Variants in MAGI2 observed in about 807,000 individuals in gnomAD.
MAGI2 encodes membrane associated guanylate kinase, WW and PDZ domain containing 2.
Under a neutral mutation model 133.3 loss-of-function variants are expected in MAGI2, and 35 were observed. The observed-to-expected ratio is 0.26, with a 90% CI of 0.20 to 0.35. The LOEUF is 0.35. MAGI2 is among the 10% of genes least tolerant of loss of function. MAGI2 has a pLI of 1.00. For synonymous variants in MAGI2, 729 were observed against 710.6 expected (o/e 1.03, Z -0.41); for missense variants, 1,636 against 1,863.4 (o/e 0.88, Z 2.25).
chr7:78,309,383 T>A (rs1798503987), intron 9 of MAGI2, among the ~76,000 whole-genome samples: 1 of 152,222 alleles, frequency 6.6e-6, no homozygotes, highest in South Asian at 2.1e-4. Context: ...TAATTTCCTT[T>A]GCAGCAACAT....
chr7:79,320,230 A>AAC (rs144733027), intron 1 of MAGI2, among the ~76,000 whole-genome samples: 4 of 152,116 alleles, frequency 2.6e-5, no homozygotes, highest in South Asian at 2.1e-4. Context: ...ATATACAAAT[A>AAC]ACACACACAC....
chr7:78,576,855 T>A (rs1490149551), intron 3 of MAGI2, among the ~76,000 whole-genome samples: 1 of 152,138 alleles, frequency 6.6e-6, no homozygotes, highest in Non-Finnish European at 1.5e-5. Flanking sequence ...TCCTAGCACT[T>A]TGGGAGTCTG....
At chr7:78,748,511 G>A (rs1162915731) in intron 2 of MAGI2, among the ~76,000 whole-genome samples, 4 of 152,192 alleles carry the variant, frequency 2.6e-5, no homozygotes, top group Non-Finnish European at 5.9e-5. Context: ...ATGAAAAAGT[G>A]TAAAACCCAA....
At chr7:79,383,388 T>C (rs1461827385) in intron 1 of MAGI2, among the ~76,000 whole-genome samples, 1 of 151,600 alleles carries the variant, frequency 6.6e-6, no homozygotes, top group Non-Finnish European at 1.5e-5. Context: ...AAGGAAAGTT[T>C]AGGAAGGGTT....
At chr7:78,323,369 A>G (rs1159162461) in intron 9 of MAGI2, among the ~76,000 whole-genome samples, 1 of 152,206 alleles carries the variant, frequency 6.6e-6, no homozygotes. Context: ...TAAAAAAGAT[A>G]TGGTATGTTT....
chr7:79,339,253 A>G (rs926789797), intron 1 of MAGI2, among the ~76,000 whole-genome samples: 1 of 152,138 alleles, frequency 6.6e-6, no homozygotes, highest in African/African-American at 2.4e-5. Context: ...TTAGCTATTT[A>G]GTAACAGTGT....
At chr7:78,505,393 C>T (rs1794995041) in intron 4 of MAGI2, among the ~76,000 whole-genome samples, 1 of 152,054 alleles carries the variant, frequency 6.6e-6, no homozygotes, top group South Asian at 2.1e-4. Context: ...AGTCTCCTAG[C>T]TGATTCCTTA....
intron 2 of MAGI2, among the ~76,000 whole-genome samples, chr7:78,887,436 G>C (rs1031778344): frequency 3.9e-5 from 6 of 152,214 alleles, no homozygotes; most frequent in Non-Finnish European, 8.8e-5. Context: ...GCAGTAATCA[G>C]CGTTTTAACA....
intron 8 of MAGI2, among the ~76,000 whole-genome samples, chr7:78,344,733 T>C (rs1790727765): frequency 6.6e-6 from 1 of 152,214 alleles, no homozygotes; most frequent in African/African-American, 2.4e-5. Context: ...TTTGTCACAA[T>C]ATGTTGATAG....
intron 1 of MAGI2, among the ~76,000 whole-genome samples, chr7:79,396,903 C>T (rs968346939): frequency 6.6e-6 from 1 of 151,840 alleles, no homozygotes; most frequent in Non-Finnish European, 1.5e-5. Flanking sequence ...AACACCTTGA[C>T]GGTTAGTAGC....
intron 6 of MAGI2, among the ~76,000 whole-genome samples, chr7:78,463,227 T>C (rs1319793440): frequency 6.6e-6 from 1 of 152,198 alleles, no homozygotes; most frequent in Non-Finnish European, 1.5e-5. Flanking sequence ...TACATGAGGC[T>C]GTACCACGAA....
At chr7:78,650,041 C>T (rs1584962760) in intron 2 of MAGI2, among the ~76,000 whole-genome samples, 1 of 152,108 alleles carries the variant, frequency 6.6e-6, no homozygotes, top group Non-Finnish European at 1.5e-5. Context: ...ACTGATGTTG[C>T]TGATCTACAG....
At chr7:79,361,156 A>G (rs1044300128) in intron 1 of MAGI2, among the ~76,000 whole-genome samples, 3 of 152,222 alleles carry the variant, frequency 2.0e-5, no homozygotes, top group African/African-American at 4.8e-5. Flanking sequence ...CTTTTCTACT[A>G]GGAAGACTTA....
At chr7:78,066,780 AGGGTGAGATAAGG>A (rs1813875770) in intron 21 of MAGI2, among the ~76,000 whole-genome samples, 1 of 152,230 alleles carries the variant, frequency 6.6e-6, no homozygotes, top group Non-Finnish European at 1.5e-5. Context: ...AGCTCTGCTC[AGGGTGAGATAAGG>A]GGGATGTGCT....
intron 2 of MAGI2, among the ~76,000 whole-genome samples, chr7:78,925,867 A>G (rs1205318338): frequency 6.6e-6 from 1 of 152,024 alleles, no homozygotes; most frequent in Non-Finnish European, 1.5e-5. Flanking sequence ...TAAAAGCCAA[A>G]GCTTATTAAA....
intron 21 of MAGI2, among the ~76,000 whole-genome samples, chr7:78,076,828 G>A (rs923076806): frequency 1.5e-5 from 2 of 135,648 alleles, no homozygotes; most frequent in Non-Finnish European, 3.1e-5. Flanking sequence ...AGTCCGGCCT[G>A]GGCGACAGAG....
At chr7:78,552,346 C>T (rs1799420668) in intron 3 of MAGI2, among the ~76,000 whole-genome samples, 1 of 151,840 alleles carries the variant, frequency 6.6e-6, no homozygotes, top group African/African-American at 2.4e-5. Flanking sequence ...ACCACGCCTA[C>T]CTAATTTTGT....
chr7:78,345,932 T>C lies in MAGI2; in HGVS notation c.1215A>G (p.Pro405=), dbSNP rs377164157. ...TELGTKPLQA[P]GFREKPLFTR... ...TGACAGGTATCATACCTCGGAAACC[T>C]GGGGCCTGCAGGGGCTTTGTTCCAA... The change falls in exon 8 of 22, where the codon CCA becomes CCG. Residue 405 remains proline, a synonymous_variant. Transcript: ENST00000354212. The C allele has an allele frequency of 8.1e-5, 130 of 1,613,970 alleles. No individual in the cohort carries two copies. The highest frequency in any genetic ancestry group is 1.1e-4 in the Non-Finnish European group (125 of 1,180,020).
intron 10 of MAGI2, among the ~76,000 whole-genome samples, chr7:78,209,767 T>C (rs772212456): frequency 6.6e-6 from 1 of 152,216 alleles, no homozygotes; most frequent in Non-Finnish European, 1.5e-5. Context: ...AATCCTTCAG[T>C]GAATTCCTGT....
Sources: gnomAD v4.1 joint callset for allele counts (sites outside exome capture counted in the v4.1 genomes callset) on GRCh38, gnomAD v4.1.1 for gene constraint, MANE v1.5 for transcripts, NCBI Gene and HGNC (gene_info 2026-07-23, HGNC 2026-07-21) for gene names.